The following POFUT2 variants were observed in gnomAD, a reference collection of about 807,000 sequenced individuals.
The protein encoded by POFUT2 is GDP-fucose protein O-fucosyltransferase 2.
Under a neutral mutation model 55.0 loss-of-function variants are expected in POFUT2, and 30 were observed. The observed-to-expected ratio is 0.55, with a 90% CI of 0.41 to 0.74. The LOEUF (loss-of-function observed/expected upper bound fraction) is 0.74. Among genes scored for constraint, POFUT2 ranks in the 30% least tolerant of loss-of-function variants. The pLI, the probability that POFUT2 is intolerant of heterozygous loss-of-function variation, is 0.00. For synonymous variants in POFUT2, 267 were observed against 231.1 expected, an observed-to-expected ratio of 1.16 and a Z score of -1.41; for missense variants, 524 against 562.6, an observed-to-expected ratio of 0.93 and a Z score of 0.69.
intron 4 of POFUT2, among the ~76,000 whole-genome samples, chr21:45,279,561 A>G (rs2030331863): frequency 6.6e-6 from 1 of 152,100 alleles, no homozygotes; most frequent in Non-Finnish European, 1.5e-5. Context: ...AGGATTCCAC[A>G]TTTTGCTACT....
At chr21:45,271,200 A>G (rs1312985744) in intron 6 of POFUT2, among the ~76,000 whole-genome samples, 1 of 152,206 alleles carries the variant, frequency 6.6e-6, no homozygotes, top group Non-Finnish European at 1.5e-5. Context: ...GGTATCTTAA[A>G]GGAAAAACAA....
At chr21:45,266,310 A>G in intron 8 of POFUT2, 1 of 1,365,050 alleles carries the variant, frequency 7.3e-7, no homozygotes, top group South Asian at 1.1e-5. Context: ...CAGGGCCAGC[A>G]GGCCACACAG....
chr21:45,280,052 C>T (rs536346236), intron 4 of POFUT2, among the ~76,000 whole-genome samples: 15 of 152,308 alleles, frequency 9.8e-5, no homozygotes, highest in East Asian at 3.9e-4. Context: ...CACTTCAAGA[C>T]GCACATTCCA....
Position 45,281,202 on chromosome 21 carries a change from A to G in POFUT2, c.638+1147T>C, listed in dbSNP as rs947111770. Among the ~76,000 whole-genome samples the G allele has an allele frequency of 6.6e-6, 1 of 152,066 alleles. No individual in the cohort carries two copies. The highest frequency in any genetic ancestry group is 2.4e-5 in the African/African-American group (1 of 41,386). ...GAAGCGTTTCTCCTAAATCAGGACCATCTAGTTGGAAGCCCCCTCTGGGCT... is the reference window on the plus strand; with the variant it reads ...GAAGCGTTTCTCCTAAATCAGGACCGTCTAGTTGGAAGCCCCCTCTGGGCT... On this transcript the variant is annotated intron_variant, in intron 4 of 8. Coordinates refer to ENST00000349485, the MANE Select transcript of POFUT2 (RefSeq NM_133635.6). This position sits in a 1 kb window ranked among gnomAD's most constrained non-coding sequence, Gnocchi z 5.0.
chr21:45,277,753 G>T lies in POFUT2; in HGVS notation c.705+350C>A. 3.1e-6 allele frequency: 1 copy of T among 324,398 alleles called. No homozygotes were observed. Among genetic ancestry groups the T allele is most frequent in the Non-Finnish European group, 5.8e-6 (1 of 173,438 alleles). The allele number at this position is 324,398 out of a possible 1,614,324, so 20.1% of individuals were successfully genotyped here. A position where few individuals can be genotyped will look rare whatever the true frequency, so the allele number is the denominator to read the frequency against. Reference sequence around the variant, plus strand: ...GCCAACGGAAAAGACCCGCTGCAGAGAATAGTCCCACCTTTCAAAGCTAAA... The same window carrying T: ...GCCAACGGAAAAGACCCGCTGCAGATAATAGTCCCACCTTTCAAAGCTAAA... On this transcript the variant is annotated intron_variant, in intron 5 of 8. Transcript: ENST00000349485. The surrounding 1 kb of genome is among the most constrained non-coding windows in gnomAD (Gnocchi z 6.9).
rs201880195 is a variant in POFUT2, at chr21:45,277,183, C to T, written c.706-41G>A. On this transcript the variant is annotated intron_variant, in intron 5 of 8. Coordinates refer to ENST00000349485, the MANE Select transcript of POFUT2 (RefSeq NM_133635.6). The surrounding 1 kb of genome is among the most constrained non-coding windows in gnomAD (Gnocchi z 6.9). ...CGGCTCGGCTGAGAACACGCCCGCCCGCCACGCAGCCCTCCCGGAGCGGGT... is the reference window on the plus strand; with the variant it reads ...CGGCTCGGCTGAGAACACGCCCGCCTGCCACGCAGCCCTCCCGGAGCGGGT... The T allele has an allele frequency of 2.5e-4, 397 of 1,598,376 alleles. No homozygotes were observed. Among genetic ancestry groups the T allele is most frequent in the Non-Finnish European group, 3.1e-4 (362 of 1,174,904 alleles).
rs1284438307 is a variant in POFUT2, at chr21:45,281,962, A to G, written c.638+387T>C. On this transcript the variant is annotated intron_variant, in intron 4 of 8. Coordinates refer to ENST00000349485, the MANE Select transcript of POFUT2 (RefSeq NM_133635.6). This position sits in a 1 kb window ranked among gnomAD's most constrained non-coding sequence, Gnocchi z 5.0. ...CCTCCCCAGACCCGTGAGGCAGAAA[A>G]CAGATCAAACAGTGGGTGTTGGGTG... Among the ~76,000 whole-genome samples, 1 of 152,064 alleles carries G rather than the reference A, an allele frequency of 6.6e-6. No homozygotes were observed. The highest frequency in any genetic ancestry group is 1.9e-4 in the East Asian group (1 of 5,176).
At chr21:45,287,078 A>C (rs1055567549) in intron 1 of POFUT2, among the ~76,000 whole-genome samples, 8 of 151,414 alleles carry the variant, frequency 5.3e-5, no homozygotes, top group Non-Finnish European at 1.2e-4. Flanking sequence ...GGCCTCGCAG[A>C]CGACCCCGCC....
chr21:45,266,517 G>A lies in POFUT2; in HGVS notation c.1137-882C>T, dbSNP rs1054090535. ...CCCACAGCAGGCTTCCTGGGCTGCG[G>A]AGACAGCACCGCCAAGGTCGCAGTC... On this transcript the variant is annotated intron_variant, in intron 8 of 8. Coordinates refer to ENST00000349485, the MANE Select transcript of POFUT2 (RefSeq NM_133635.6). The A allele has an allele frequency of 4.4e-5, 48 of 1,085,924 alleles. No homozygotes were observed. In the African/African-American group the frequency reaches 7.5e-4, roughly 17 times the overall value. The allele number at this position is 1,085,924 out of a possible 1,614,324, so 67.3% of individuals were successfully genotyped here. A position where few individuals can be genotyped will look rare whatever the true frequency, so the allele number is the denominator to read the frequency against.
In POFUT2 at chr21:45,264,248, T is replaced by C. The variant is rs2093134297; in HGVS notation, c.*1234A>G. The C allele has an allele frequency of 6.6e-6, 1 of 152,234 alleles. No individual in the cohort carries two copies. The highest frequency in any genetic ancestry group is 1.5e-5 in the Non-Finnish European group (1 of 68,066). The allele number at this position is 152,234 out of a possible 1,614,324, so 9.4% of individuals were successfully genotyped here. ...CCTCTCTCTGTCACAGGTGTCCATG[T>C]CACTGTTCCTCTAGCAGATGTGGAA... On this transcript the variant is annotated 3_prime_UTR_variant, in exon 9 of 9. Coordinates refer to ENST00000349485, the MANE Select transcript of POFUT2 (RefSeq NM_133635.6).
At chr21:45,287,676 C>CCAACCCACCA in intron 1 of POFUT2, 65 bp downstream of exon 1, 2 of 1,181,534 alleles carry the variant, frequency 1.7e-6, no homozygotes, top group African/African-American at 1.6e-5. Context: ...GCCCCGCCCC[C>CCAACCCACCA]ATCCCATCCT....
At chr21:45,286,692 G>A (rs1365301205) in intron 1 of POFUT2, among the ~76,000 whole-genome samples, 1 of 152,248 alleles carries the variant, frequency 6.6e-6, no homozygotes, top group Non-Finnish European at 1.5e-5. Flanking sequence ...AGTCCCCAAG[G>A]CACAGACAAG....
At chr21:45,279,822 C>T (rs999768005) in intron 4 of POFUT2, among the ~76,000 whole-genome samples, 3 of 152,198 alleles carry the variant, frequency 2.0e-5, no homozygotes, top group East Asian at 1.9e-4. Flanking sequence ...GTCCATGTGT[C>T]GTAATACCCA....
Position 45,267,524 on chromosome 21 carries a change from T to C in POFUT2, c.1136+66A>G. ...GACCATCTGCTCTGACACCGAGTAC[T>C]TGGGACAGAAGAACCTTTGAAAGCC... is the stretch of plus-strand genomic sequence containing the variant. On this transcript the variant is annotated intron_variant, in intron 8 of 8. Transcript: ENST00000349485. This position sits in a 1 kb window ranked among gnomAD's most constrained non-coding sequence, Gnocchi z 4.4. 4.3e-6 allele frequency: 7 copies of C among 1,614,126 alleles called. No homozygotes were observed. Among genetic ancestry groups the C allele is most frequent in the South Asian group, 3.3e-5 (3 of 91,074 alleles).
At position 45,265,536 on chromosome 21, in the gene POFUT2, G is replaced by A. The variant is rs980517133; in HGVS notation, c.1236C>T (p.Cys412=). ...LDPKTTYNRF[C]GDQEKACEQP... is the part of the protein sequence containing the mutation. ...GCTCACACGCCTTCTCTTGGTCTCC[G>A]CAGAACCTGTTGTACGTCGTCTTGG... The change falls in exon 9 of 9, where the codon TGC becomes TGT. Residue 412 remains cysteine, a synonymous_variant. Transcript: ENST00000349485. The surrounding 1 kb of genome is among the most constrained non-coding windows in gnomAD (Gnocchi z 4.6). The A allele has an allele frequency of 6.8e-6, 11 of 1,613,986 alleles. No individual in the cohort carries two copies. The highest frequency in any genetic ancestry group is 9.3e-6 in the Non-Finnish European group (11 of 1,180,006).
At chr21:45,271,762 G>C (rs2093221259) in intron 6 of POFUT2, among the ~76,000 whole-genome samples, 1 of 152,134 alleles carries the variant, frequency 6.6e-6, no homozygotes, top group African/African-American at 2.4e-5. Flanking sequence ...CACAAACAAA[G>C]TAATTATCAG....
intron 8 of POFUT2, chr21:45,266,770 G>C: frequency 1.0e-6 from 1 of 997,326 alleles, no homozygotes; most frequent in African/African-American, 1.7e-5. Context: ...AGGGCGCTCA[G>C]CATTCCTCGG....
At chr21:45,266,267 A>G in intron 8 of POFUT2, 10 of 1,367,496 alleles carry the variant, frequency 7.3e-6, no homozygotes, top group Non-Finnish European at 9.8e-6. Context: ...TTCCAGAGCA[A>G]ATGTAACATG....
intron 3 of POFUT2, 61 bp downstream of exon 3, chr21:45,283,322 C>CGCAT: frequency 1.4e-6 from 1 of 713,358 alleles, no homozygotes; most frequent in Non-Finnish European, 1.9e-6. Context: ...GGGGGGGGGA[C>CGCAT]GCATGCGGCA....
Sources: allele counts gnomAD v4.1 joint callset (sites outside exome capture counted in the v4.1 genomes callset), GRCh38; gene constraint gnomAD v4.1.1; non-coding constraint Gnocchi (gnomAD v3.1); transcripts MANE v1.5; gene names NCBI Gene and HGNC (gene_info 2026-07-23, HGNC 2026-07-21).